Variants in HTR7 observed in about 807,000 individuals in gnomAD.
HTR7 encodes 5-HT-7.
HTR7 carries 16 observed loss-of-function variants against 34.0 expected under a neutral mutation model. That is an observed-to-expected ratio of 0.47 (90% CI 0.32 to 0.71). The LOEUF (loss-of-function observed/expected upper bound fraction) is 0.71. HTR7 is among the 30% of genes least tolerant of loss of function. The pLI is 0.04. For missense variants in HTR7, 504 were observed against 625.5 expected, an observed-to-expected ratio of 0.81 and a Z score of 2.07; for synonymous variants, 265 against 260.2, an observed-to-expected ratio of 1.02 and a Z score of -0.18.
rs570518571 is a variant in HTR7, at chr10:90,836,168, T to C, written c.539+20965A>G. On this transcript the variant is annotated intron_variant, in intron 1 of 3. Transcript: ENST00000336152. ...ATTATTGGATACACTTTGGCCCCCA[T>C]TGCTGACATCAATAAACACATAGGG... 1.0e-3 allele frequency among the ~76,000 whole-genome samples: 157 copies of C among 152,274 alleles called. 1 individual carries two copies. Among genetic ancestry groups the C allele is most frequent in the Non-Finnish European group, 1.3e-3 (89 of 68,010 alleles).
chr10:90,826,868 C>T lies in HTR7; in HGVS notation c.539+30265G>A, dbSNP rs963856849. ...AGGAGAATGGCATGAACCCAGGAGG[C>T]GGAGCTTGCAGTGAGTCAAGATCAT... On this transcript the variant is annotated intron_variant, in intron 1 of 3. Transcript: ENST00000336152. 5.3e-5 allele frequency among the ~76,000 whole-genome samples: 8 copies of T among 151,916 alleles called. No homozygotes were observed. In the East Asian group the frequency reaches 7.7e-4, roughly 15 times the overall value.
intron 1 of HTR7, among the ~76,000 whole-genome samples, chr10:90,779,934 A>C (rs1482365979): frequency 6.6e-6 from 1 of 152,142 alleles, no homozygotes; most frequent in African/African-American, 2.4e-5. Context: ...TTTCTTGGTT[A>C]ATCTGTATTC....
At position 90,759,875 on chromosome 10, in the gene HTR7, T is replaced by A. The variant is rs1487877982; in HGVS notation, c.540-10281A>T. On this transcript the variant is annotated intron_variant, in intron 1 of 3. Coordinates refer to ENST00000336152, the MANE Select transcript of HTR7 (RefSeq NM_019859.4). Reference sequence around the variant, plus strand: ...ATCAATTCAACTTTCAAAGTAGAGATCAACTGATACTGCCTAAAGTTGTAA... The same window carrying A: ...ATCAATTCAACTTTCAAAGTAGAGAACAACTGATACTGCCTAAAGTTGTAA... Among the ~76,000 whole-genome samples, 3 of 152,184 alleles carry A rather than the reference T, an allele frequency of 2.0e-5. No individual in the cohort carries two copies. In the East Asian group the frequency reaches 5.8e-4, roughly 29 times the overall value.
intron 1 of HTR7, among the ~76,000 whole-genome samples, chr10:90,793,522 T>A (rs967108928): frequency 6.2e-5 from 8 of 129,172 alleles, no homozygotes; most frequent in Non-Finnish European, 1.3e-4. Flanking sequence ...AAAAAAACAA[T>A]TTTTAAGAAA....
At chr10:90,807,797 C>A (rs1255273848) in intron 1 of HTR7, among the ~76,000 whole-genome samples, 1 of 147,820 alleles carries the variant, frequency 6.8e-6, no homozygotes, top group Non-Finnish European at 1.5e-5. Context: ...CCCTGTCCTC[C>A]TGTTCTTTGC....
At chr10:90,788,949 C>A (rs990725098) in intron 1 of HTR7, among the ~76,000 whole-genome samples, 1 of 152,124 alleles carries the variant, frequency 6.6e-6, no homozygotes, top group Non-Finnish European at 1.5e-5. Flanking sequence ...TCAAGTGTCA[C>A]CTCTACTGTA....
intron 1 of HTR7, among the ~76,000 whole-genome samples, chr10:90,846,700 A>G (rs920437206): frequency 9.2e-5 from 14 of 152,256 alleles, no homozygotes; most frequent in African/African-American, 3.4e-4. Context: ...GCTGAAACAT[A>G]ATACTTCTAC....
At chr10:90,770,565 C>G (rs913007961) in intron 1 of HTR7, among the ~76,000 whole-genome samples, 2 of 152,230 alleles carry the variant, frequency 1.3e-5, no homozygotes, top group Admixed American at 1.3e-4. Context: ...GTGCCTGCTC[C>G]CATCTCAGAG....
At chr10:90,851,611 A>C (rs1187122744) in intron 1 of HTR7, among the ~76,000 whole-genome samples, 1 of 150,940 alleles carries the variant, frequency 6.6e-6, no homozygotes, top group Admixed American at 6.6e-5. Flanking sequence ...TCCCAAAAAA[A>C]AAAAAAAAAA....
intron 1 of HTR7, among the ~76,000 whole-genome samples, chr10:90,802,678 A>C (rs1403721579): frequency 6.6e-6 from 1 of 152,252 alleles, no homozygotes; most frequent in Non-Finnish European, 1.5e-5. Context: ...ATCTGACCTA[A>C]AACAAAGTTA....
intron 1 of HTR7, among the ~76,000 whole-genome samples, chr10:90,851,342 C>T (rs1846495693): frequency 6.6e-6 from 1 of 152,150 alleles, no homozygotes; most frequent in African/African-American, 2.4e-5. Context: ...TGCGTTGGCT[C>T]ACACCTGCAA....
intron 1 of HTR7, among the ~76,000 whole-genome samples, chr10:90,852,662 C>T: frequency 6.6e-6 from 1 of 152,116 alleles, no homozygotes; most frequent in East Asian, 1.9e-4. Context: ...TACTACTTAT[C>T]AATAAAAATG....
At chr10:90,823,652 T>C (rs1224753804) in intron 1 of HTR7, among the ~76,000 whole-genome samples, 4 of 152,068 alleles carry the variant, frequency 2.6e-5, no homozygotes, top group African/African-American at 9.7e-5. Flanking sequence ...GACATGAGAT[T>C]TGGAAGGGGC....
intron 1 of HTR7, among the ~76,000 whole-genome samples, chr10:90,771,656 G>A (rs1005576206): frequency 2.0e-5 from 3 of 152,222 alleles, no homozygotes; most frequent in African/African-American, 7.2e-5. Flanking sequence ...CCCCATGGCA[G>A]CAGCCAGCAT....
intron 1 of HTR7, among the ~76,000 whole-genome samples, chr10:90,835,557 G>T (rs1208113925): frequency 6.6e-6 from 1 of 152,110 alleles, no homozygotes; most frequent in Admixed American, 6.5e-5. Flanking sequence ...GTCAACTATT[G>T]CTTGTTTTCT....
At chr10:90,796,141 G>A (rs1423025096) in intron 1 of HTR7, among the ~76,000 whole-genome samples, 1 of 152,188 alleles carries the variant, frequency 6.6e-6, no homozygotes, top group African/African-American at 2.4e-5. Context: ...TCCTATCATG[G>A]CCTGAACTGG....
chr10:90,770,517 G>T (rs558338977), intron 1 of HTR7, among the ~76,000 whole-genome samples: 15 of 152,302 alleles, frequency 9.8e-5, no homozygotes, highest in African/African-American at 3.1e-4. Flanking sequence ...AACCCCTTGG[G>T]TTGTCTGCTC....
At chr10:90,830,758 A>G (rs1846155375) in intron 1 of HTR7, among the ~76,000 whole-genome samples, 1 of 149,348 alleles carries the variant, frequency 6.7e-6, no homozygotes. Flanking sequence ...ACTGCACTCC[A>G]GCCTGGGTGA....
chr10:90,799,764 TTC>T (rs1366575108), intron 1 of HTR7, among the ~76,000 whole-genome samples: 4 of 152,176 alleles, frequency 2.6e-5, no homozygotes, highest in African/African-American at 4.8e-5. Context: ...CCCAAATCCA[TTC>T]TGACTGGTCA....
Sources: gnomAD v4.1 joint callset for allele counts (sites outside exome capture counted in the v4.1 genomes callset) on GRCh38, gnomAD v4.1.1 for gene constraint, MANE v1.5 for transcripts, NCBI Gene and HGNC (gene_info 2026-07-23, HGNC 2026-07-21) for gene names.